GPM6A: variants seen among roughly 807,000 people sequenced by gnomAD.
GPM6A encodes the protein glycoprotein M6A.
In GPM6A, 7 loss-of-function variants were observed where a neutral mutation model predicts 32.1. That is an observed-to-expected ratio of 0.22 (90% CI 0.12 to 0.41). GPM6A has a LOEUF of 0.41. Among genes scored for constraint, GPM6A ranks in the 10% least tolerant of loss-of-function variants. The pLI is 1.00. For missense variants in GPM6A, 235 were observed against 347.2 expected, an observed-to-expected ratio of 0.68 and a Z score of 2.57; for synonymous variants, 130 against 123.4, an observed-to-expected ratio of 1.05 and a Z score of -0.35.
intron 1 of GPM6A, among the ~76,000 whole-genome samples, chr4:175,732,069 C>T (rs1052754535): frequency 4.7e-5 from 7 of 149,608 alleles, no homozygotes; most frequent in East Asian, 4.0e-4. Flanking sequence ...TGGGTTCAAG[C>T]GATTCGCCTG....
chr4:175,697,558 A>G (rs913589240), intron 2 of GPM6A, among the ~76,000 whole-genome samples: 3 of 152,202 alleles, frequency 2.0e-5, no homozygotes, highest in African/African-American at 7.2e-5. Flanking sequence ...ACTTCTTATC[A>G]AAACAGTTTG....
chr4:175,765,731 C>T (rs931158790), intron 1 of GPM6A, among the ~76,000 whole-genome samples: 1 of 152,136 alleles, frequency 6.6e-6, no homozygotes, highest in African/African-American at 2.4e-5. Context: ...TCGCTATGAC[C>T]TATTAGTCTC....
At chr4:175,856,599 C>T (rs990013747) in intron 1 of GPM6A, among the ~76,000 whole-genome samples, 2 of 152,120 alleles carry the variant, frequency 1.3e-5, no homozygotes, top group African/African-American at 4.8e-5. Flanking sequence ...ACAGTGCATC[C>T]CAAATTCTTA....
At position 175,954,619 on chromosome 4, in the gene GPM6A, T is replaced by C. The variant is rs116710282; in HGVS notation, c.-23+47690A>G. ...GGTCTAAAGAGGAGTGAATCTGAGA[T>C]GATGAGTTAGACCATCTCTGGAGAG... On this transcript the variant is annotated intron_variant, in intron 1 of 7. Coordinates refer to the GPM6A transcript ENST00000280187. 4.1e-3 allele frequency among the ~76,000 whole-genome samples: 631 copies of C among 152,336 alleles called. 4 individuals carry two copies. Among genetic ancestry groups the C allele is most frequent in the South Asian group, 0.012 (56 of 4,826 alleles).
intron 2 of GPM6A, among the ~76,000 whole-genome samples, chr4:175,675,204 G>A (rs1167429499): frequency 6.6e-6 from 1 of 150,924 alleles, no homozygotes; most frequent in Admixed American, 6.6e-5. Flanking sequence ...TGTAGCTAGA[G>A]TTAAATACTC....
intron 1 of GPM6A, among the ~76,000 whole-genome samples, chr4:175,828,245 T>C (rs1735497435): frequency 6.6e-6 from 1 of 152,176 alleles, no homozygotes; most frequent in Non-Finnish European, 1.5e-5. Context: ...GTAACAGTTA[T>C]TAGTCAGGGT....
upstream of GPM6A, among the ~76,000 whole-genome samples, chr4:175,816,531 A>G (rs775290847): frequency 9.9e-5 from 15 of 152,188 alleles, no homozygotes; most frequent in Non-Finnish European, 1.8e-4. Flanking sequence ...TAACAGATTA[A>G]AGAAGTTGTG....
intron 1 of GPM6A, among the ~76,000 whole-genome samples, chr4:175,879,356 A>G (rs928103055): frequency 2.0e-5 from 3 of 152,154 alleles, no homozygotes. Context: ...TCATACTGCT[A>G]TGAACAAATG....
chr4:175,980,387 G>T (rs893792397), intron 1 of GPM6A, among the ~76,000 whole-genome samples: 13 of 152,084 alleles, frequency 8.5e-5, no homozygotes, highest in South Asian at 2.1e-4. Flanking sequence ...AAACCTTGAG[G>T]CCTCACCGTA....
At chr4:175,686,449 G>A (rs1743984764) in intron 2 of GPM6A, among the ~76,000 whole-genome samples, 1 of 152,152 alleles carries the variant, frequency 6.6e-6, no homozygotes, top group Non-Finnish European at 1.5e-5. Flanking sequence ...ATTCAGGTGG[G>A]GCCTCAATGC....
intron 2 of GPM6A, among the ~76,000 whole-genome samples, chr4:175,677,376 T>C (rs1415453302): frequency 6.6e-6 from 1 of 152,158 alleles, no homozygotes; most frequent in East Asian, 1.9e-4. Flanking sequence ...CTTTTCTATG[T>C]GCTAACACAT....
intron 1 of GPM6A, among the ~76,000 whole-genome samples, chr4:175,706,741 G>A (rs1745214112): frequency 6.6e-6 from 1 of 152,136 alleles, no homozygotes; most frequent in South Asian, 2.1e-4. Flanking sequence ...GAGACCTGCT[G>A]GGCTGCATAT....
intron 4 of GPM6A, among the ~76,000 whole-genome samples, chr4:175,643,381 A>G (rs898906171): frequency 2.0e-5 from 3 of 152,168 alleles, no homozygotes; most frequent in Non-Finnish European, 2.9e-5. Flanking sequence ...CATAGACTTC[A>G]TCTCAGTCTT....
chr4:175,961,074 C>T (rs1238118588), intron 1 of GPM6A, among the ~76,000 whole-genome samples: 1 of 152,172 alleles, frequency 6.6e-6, no homozygotes. Context: ...CCGAAACTTT[C>T]TTCAAATGTA....
chr4:175,774,919 G>T (rs1405603270), intron 1 of GPM6A, among the ~76,000 whole-genome samples: 1 of 151,868 alleles, frequency 6.6e-6, no homozygotes, highest in African/African-American at 2.4e-5. Flanking sequence ...TGTTTTTAAA[G>T]AATTTCCATA....
intron 1 of GPM6A, among the ~76,000 whole-genome samples, chr4:175,900,745 A>T (rs1490701442): frequency 6.6e-6 from 1 of 152,182 alleles, no homozygotes; most frequent in African/African-American, 2.4e-5. Flanking sequence ...TAGAGCTGCC[A>T]TATGATCCAA....
chr4:175,640,323 A>T, intron 5 of GPM6A, 129 bp from the exon 6 acceptor site: 2 of 713,142 alleles, frequency 2.8e-6, no homozygotes, highest in Non-Finnish European at 5.0e-6. Context: ...TAAATCACCC[A>T]CCTGATTAAA....
chr4:175,653,919 T>G (rs1402575801), intron 3 of GPM6A, among the ~76,000 whole-genome samples: 1 of 152,120 alleles, frequency 6.6e-6, no homozygotes, highest in Middle Eastern at 3.2e-3. Flanking sequence ...GAACGTGGAA[T>G]GAAGCACATC....
rs148222274 is a variant in GPM6A at position 175,908,879 on chromosome 4, A to G, written c.-23+93430T>C. The stretch of plus-strand genomic sequence containing the variant: ...CTTTGTCTTTGCAAGAATAATTACT[A>G]GAAAATGAGAGTGAGCTAGCTTTAC... On this transcript the variant is annotated intron_variant, in intron 1 of 7. Coordinates refer to the GPM6A transcript ENST00000280187. Among the ~76,000 whole-genome samples the G allele has an allele frequency of 2.2e-3, 329 of 152,236 alleles. 1 individual carries two copies. The highest frequency in any genetic ancestry group is 7.5e-3 in the African/African-American group (311 of 41,560).
Sources: gnomAD v4.1 joint callset for allele counts (sites outside exome capture counted in the v4.1 genomes callset) on GRCh38, gnomAD v4.1.1 for gene constraint, MANE v1.5 for transcripts, NCBI Gene and HGNC (gene_info 2026-07-23, HGNC 2026-07-21) for gene names.